The following GABBR2 variants were observed in gnomAD, a reference collection of about 807,000 sequenced individuals.
The protein encoded by GABBR2 is G-protein coupled receptor 51.
GABBR2 carries 23 observed loss-of-function variants against 105.6 expected under a neutral mutation model. The observed-to-expected ratio is 0.22, with a 90% CI of 0.16 to 0.31. The LOEUF (loss-of-function observed/expected upper bound fraction) is 0.31. GABBR2 is among the 10% of genes least tolerant of loss of function. The probability of loss-of-function intolerance (pLI) is 1.00; values close to 1 mark genes in which losing one functional copy is unlikely to be tolerated. For missense variants in GABBR2, 734 were observed against 1,245.5 expected, an observed-to-expected ratio of 0.59 and a Z score of 6.18; for synonymous variants, 478 against 499.7, an observed-to-expected ratio of 0.96 and a Z score of 0.58.
intron 1 of GABBR2, among the ~76,000 whole-genome samples, chr9:98,677,859 G>A (rs1830495019): frequency 6.6e-6 from 1 of 152,140 alleles, no homozygotes; most frequent in African/African-American, 2.4e-5. Flanking sequence ...CCATCTCAGA[G>A]AGGCCTTCTC....
intron 1 of GABBR2, among the ~76,000 whole-genome samples, chr9:98,641,849 GGA>G (rs1056703013): frequency 6.6e-5 from 10 of 152,172 alleles, no homozygotes; most frequent in African/African-American, 1.9e-4. Flanking sequence ...TAGAATAAAA[GGA>G]GAGAAGGCAG....
At chr9:98,667,177 T>C (rs1443466136) in intron 1 of GABBR2, among the ~76,000 whole-genome samples, 1 of 152,124 alleles carries the variant, frequency 6.6e-6, no homozygotes, top group African/African-American at 2.4e-5. Flanking sequence ...GGAGAGATGA[T>C]GGGTCTCAGC....
rs1828441697 is a variant in GABBR2, at chr9:98,549,137, G to A, written c.460-7094C>T. Reference sequence around the variant, plus strand: ...TTTTGGGATTTTTAGTAAAGATGGGGGTTTCACCATGTTGGACAGGCTGGT... The same window carrying A: ...TTTTGGGATTTTTAGTAAAGATGGGAGTTTCACCATGTTGGACAGGCTGGT... On this transcript the variant is annotated intron_variant, in intron 2 of 18. Transcript: ENST00000259455. Among the ~76,000 whole-genome samples the A allele has an allele frequency of 1.7e-5, 2 of 121,092 alleles. 1 individual carries two copies. Among genetic ancestry groups the A allele is most frequent in the Non-Finnish European group, 3.7e-5 (2 of 53,904 alleles). 79.4% of individuals were successfully genotyped at this position (121,092 alleles called of 152,430 possible).
chr9:98,588,957 A>G (rs1056483356), intron 1 of GABBR2, among the ~76,000 whole-genome samples: 1 of 152,198 alleles, frequency 6.6e-6, no homozygotes, highest in African/African-American at 2.4e-5. Flanking sequence ...AGGGGACACC[A>G]CTATGTCACG....
At position 98,299,084 on chromosome 9, in the gene GABBR2, G is replaced by T. The variant is rs978831317; in HGVS notation, c.2542+140C>A. 4.1e-6 allele frequency: 3 copies of T among 733,850 alleles called. No individual in the cohort carries two copies. The South Asian group carries it at 5.3e-5, about 13-fold the overall frequency. 45.5% of individuals were successfully genotyped at this position (733,850 alleles called of 1,614,324 possible). On this transcript the variant is annotated intron_variant, in intron 17 of 18. Coordinates refer to ENST00000259455, the MANE Select transcript of GABBR2 (RefSeq NM_005458.8). ...TGGTCAGCAGACAGAGGTTCCAGAT[G>T]CTCCAGCTCTGTGTGTGTGACTTCA...
intron 2 of GABBR2, among the ~76,000 whole-genome samples, chr9:98,568,299 C>G (rs1309694708): frequency 2.0e-5 from 3 of 149,592 alleles, no homozygotes; most frequent in Non-Finnish European, 4.4e-5. Context: ...GTACCACAGT[C>G]AAATGGGGGG....
At chr9:98,604,888 C>T (rs1829390719) in intron 1 of GABBR2, among the ~76,000 whole-genome samples, 1 of 152,136 alleles carries the variant, frequency 6.6e-6, no homozygotes, top group Non-Finnish European at 1.5e-5. Flanking sequence ...CAATCTAGAC[C>T]CCTCATCTCC....
intron 2 of GABBR2, among the ~76,000 whole-genome samples, chr9:98,556,321 A>G (rs1225029690): frequency 2.0e-5 from 3 of 152,096 alleles, no homozygotes; most frequent in Non-Finnish European, 4.4e-5. Flanking sequence ...TGGGCACCTC[A>G]CAGCCCCAAT....
rs769481084 is a variant in GABBR2 at position 98,362,723 on chromosome 9, T to C, written c.1885A>G (p.Ser629Gly). 6.3e-7 allele frequency: 1 copy of C among 1,585,344 alleles called. No homozygotes were observed. The highest frequency in any genetic ancestry group is 2.3e-5 in the East Asian group (1 of 43,744). The change falls in exon 13 of 19, where the codon AGC becomes GGC. Residue 629 changes from serine (S) to glycine (G), a missense_variant. By Grantham distance (56) the Ser-to-Gly change is moderately conservative. Coordinates refer to ENST00000259455, the MANE Select transcript of GABBR2 (RefSeq NM_005458.8). Reference sequence around the variant, plus strand: ...CGGCATGGAGGGCTTACCTCCATGCTGTACTTCTCCACTGTCCTTCGCAGG... The same window carrying C: ...CGGCATGGAGGGCTTACCTCCATGCCGTACTTCTCCACTGTCCTTCGCAGG... ...DPLRRTVEKY[S>G]MEPDPAGRDI...
chr9:98,700,275 GC>G (rs1830813301), intron 1 of GABBR2, among the ~76,000 whole-genome samples: 1 of 152,144 alleles, frequency 6.6e-6, no homozygotes, highest in African/African-American at 2.4e-5. Context: ...AACCAAGTAG[GC>G]CCCACCCTCC....
intron 1 of GABBR2, among the ~76,000 whole-genome samples, chr9:98,680,215 C>A (rs1830525627): frequency 6.6e-6 from 1 of 151,686 alleles, no homozygotes; most frequent in African/African-American, 2.4e-5. Context: ...AGACTCAATA[C>A]TGCAAAAAAA....
In GABBR2 at chr9:98,316,447, C is replaced by T. The variant is rs149203685; in HGVS notation, c.1894-5242G>A. ...GATTACAGACGTGAGCCGCTGCACC[C>T]GGCCACTTTTGTTATTTTTCTTCCT... On this transcript the variant is annotated intron_variant, in intron 13 of 18. Coordinates refer to ENST00000259455, the MANE Select transcript of GABBR2 (RefSeq NM_005458.8). Among the ~76,000 whole-genome samples the T allele has an allele frequency of 6.2e-3, 951 of 152,326 alleles. 11 individuals are homozygous for T. Among genetic ancestry groups the T allele is most frequent in the African/African-American group, 0.02 (814 of 41,578 alleles).
Position 98,490,746 on chromosome 9 carries a change from A to C in GABBR2, c.732+5667T>G, listed in dbSNP as rs139167383. ...GCAACTGAAATGTCCAGAAAGGGAA[A>C]TGTGACACCTGGAACTCTCCCTATG... is the stretch of plus-strand genomic sequence containing the variant. On this transcript the variant is annotated intron_variant, in intron 4 of 18. Coordinates refer to ENST00000259455, the MANE Select transcript of GABBR2 (RefSeq NM_005458.8). 3.9e-4 allele frequency among the ~76,000 whole-genome samples: 60 copies of C among 152,304 alleles called. 1 individual carries two copies. The East Asian group carries it at 0.011, about 27-fold the overall frequency.
chr9:98,525,422 C>T (rs530318007), intron 3 of GABBR2, among the ~76,000 whole-genome samples: 1 of 152,304 alleles, frequency 6.6e-6, no homozygotes, highest in East Asian at 1.9e-4. Context: ...CATCATTATT[C>T]ATTAGAGAAA....
intron 17 of GABBR2, among the ~76,000 whole-genome samples, chr9:98,297,169 C>G (rs1381622891): frequency 6.6e-6 from 1 of 152,148 alleles, no homozygotes; most frequent in Non-Finnish European, 1.5e-5. Context: ...AAAATGCCCA[C>G]TTTTACCAGA....
At chr9:98,313,762 A>AG (rs1830671373) in intron 13 of GABBR2, among the ~76,000 whole-genome samples, 1 of 123,600 alleles carries the variant, frequency 8.1e-6, no homozygotes, top group Admixed American at 7.8e-5. Context: ...ATCACTAGGA[A>AG]GAAGGTACTT....
intron 7 of GABBR2, among the ~76,000 whole-genome samples, chr9:98,423,033 C>A (rs918077539): frequency 2.0e-5 from 3 of 152,114 alleles, no homozygotes; most frequent in Non-Finnish European, 4.4e-5. Flanking sequence ...TGGGTTGGTT[C>A]CAAGTCTTTG....
chr9:98,515,826 C>A (rs988639142), intron 3 of GABBR2, among the ~76,000 whole-genome samples: 2 of 152,190 alleles, frequency 1.3e-5, no homozygotes, highest in African/African-American at 4.8e-5. Flanking sequence ...TTCTTGTTTC[C>A]ATTTCACAAA....
intron 13 of GABBR2, among the ~76,000 whole-genome samples, chr9:98,315,420 A>G (rs894961756): frequency 6.6e-6 from 1 of 152,208 alleles, no homozygotes. Flanking sequence ...TTACGGTGGC[A>G]GGGGTTGGGA....
Sources: gnomAD v4.1 joint callset for allele counts (sites outside exome capture counted in the v4.1 genomes callset) on GRCh38, gnomAD v4.1.1 for gene constraint, MANE v1.5 for transcripts, NCBI Gene and HGNC (gene_info 2026-07-23, HGNC 2026-07-21) for gene names.